Variants in ADCY8 observed in about 807,000 individuals in gnomAD.
ADCY8 encodes the protein adenylate cyclase type 8.
Under a neutral mutation model 119.7 loss-of-function variants are expected in ADCY8, and 51 were observed. The observed-to-expected ratio is 0.43, with a 90% CI of 0.34 to 0.54. ADCY8 has a LOEUF of 0.54. Ranked by LOEUF, ADCY8 falls within the 20% of genes least tolerant of loss-of-function variation. The pLI is 0.03. For synonymous variants in ADCY8, 665 were observed against 651.0 expected, an observed-to-expected ratio of 1.02 and a Z score of -0.33; for missense variants, 1,383 against 1,598.8, an observed-to-expected ratio of 0.87 and a Z score of 2.30.
intron 5 of ADCY8, among the ~76,000 whole-genome samples, chr8:130,915,243 A>G (rs1005347053): frequency 6.6e-6 from 1 of 152,256 alleles, no homozygotes; most frequent in Non-Finnish European, 1.5e-5. Flanking sequence ...CTATTAAGGA[A>G]GCATGTTATA....
chr8:131,036,862 G>C (rs1586674805), intron 1 of ADCY8, among the ~76,000 whole-genome samples: 1 of 152,288 alleles, frequency 6.6e-6, no homozygotes, highest in East Asian at 1.9e-4. Flanking sequence ...AATATGGTTG[G>C]AGAGAGAAGA....
chr8:130,964,697 T>C (rs1821709479), intron 2 of ADCY8, among the ~76,000 whole-genome samples: 1 of 152,220 alleles, frequency 6.6e-6, no homozygotes, highest in Non-Finnish European at 1.5e-5. Context: ...TAATGCACTT[T>C]GGCTATGGTC....
intron 2 of ADCY8, among the ~76,000 whole-genome samples, chr8:130,961,903 AG>A (rs1388097239): frequency 6.6e-6 from 1 of 152,138 alleles, no homozygotes; most frequent in Non-Finnish European, 1.5e-5. Context: ...TGAGCCCAGG[AG>A]TTCAAGGCTG....
At chr8:130,818,478 G>A (rs1586445112) in intron 13 of ADCY8, among the ~76,000 whole-genome samples, 2 of 152,338 alleles carry the variant, frequency 1.3e-5, no homozygotes, top group African/African-American at 4.8e-5. Flanking sequence ...CTGCCTCAGA[G>A]GAGGAAGTGT....
At chr8:130,860,381 A>G (rs1179663940) in intron 9 of ADCY8, among the ~76,000 whole-genome samples, 1 of 152,208 alleles carries the variant, frequency 6.6e-6, no homozygotes, top group African/African-American at 2.4e-5. Flanking sequence ...AGTGTCTTCC[A>G]CAGATCAGAC....
chr8:130,969,286 T>C lies in ADCY8; in HGVS notation c.1111-17288A>G, dbSNP rs566796177. Among the ~76,000 whole-genome samples, 3 of 152,300 alleles carry C rather than the reference T, an allele frequency of 2.0e-5. No homozygotes were observed. In the East Asian group the frequency reaches 5.8e-4, roughly 29 times the overall value. ...ATTCTGCAGCAGATGGCATTTTGAT[T>C]TGAACTGCAACATTGGCTCTTTCCT... On this transcript the variant is annotated intron_variant, in intron 2 of 17. Coordinates refer to ENST00000286355, the MANE Select transcript of ADCY8 (RefSeq NM_001115.3).
In ADCY8 at chr8:131,040,237, G is replaced by T; in HGVS notation, c.97C>A (p.Pro33Thr). ...PAGDGRSASR[P>T]QRLLWQTAVR... is the part of the protein sequence containing the mutation. ...GCCGTCTGCCACAGCAGCCGCTGCGGCCGGGAGGCGCTCCTGCCGTCGCCG... is the reference window on the plus strand; with the variant it reads ...GCCGTCTGCCACAGCAGCCGCTGCGTCCGGGAGGCGCTCCTGCCGTCGCCG... Residue 33 changes from proline (P) to threonine (T), a missense_variant, in exon 1 of 18, where the codon CCG becomes ACG. Around this residue, in one of 2 missense-constraint regions of ADCY8, gnomAD observed 455 missense variants for 435.3 expected, o/e 1.05. Coordinates refer to ENST00000286355, the MANE Select transcript of ADCY8 (RefSeq NM_001115.3). 6.5e-7 allele frequency: 1 copy of T among 1,544,990 alleles called. No individual in the cohort carries two copies. The highest frequency in any genetic ancestry group is 1.4e-5 in the African/African-American group (1 of 73,444).
chr8:130,957,786 AG>A (rs1236510401), intron 2 of ADCY8, among the ~76,000 whole-genome samples: 1 of 152,240 alleles, frequency 6.6e-6, no homozygotes, highest in Non-Finnish European at 1.5e-5. Flanking sequence ...AGAGGGTGCA[AG>A]CCCCAAGTCT....
At chr8:130,962,308 G>A (rs984051772) in intron 2 of ADCY8, among the ~76,000 whole-genome samples, 5 of 152,174 alleles carry the variant, frequency 3.3e-5, no homozygotes, top group Admixed American at 1.3e-4. Flanking sequence ...AGGAAAGTTT[G>A]CTCTTTAATA....
At chr8:130,954,063 A>T (rs752210211) in intron 2 of ADCY8, among the ~76,000 whole-genome samples, 14 of 152,310 alleles carry the variant, frequency 9.2e-5, no homozygotes, top group Middle Eastern at 3.4e-3. Flanking sequence ...ATGTTTAATT[A>T]AGATGCCACT....
chr8:130,957,479 G>T (rs540437519), intron 2 of ADCY8, among the ~76,000 whole-genome samples: 2 of 152,298 alleles, frequency 1.3e-5, no homozygotes, highest in South Asian at 4.1e-4. Flanking sequence ...TTGACGATGT[G>T]ATAGAAAAGA....
At chr8:130,807,814 C>G (rs1356761860) in intron 14 of ADCY8, among the ~76,000 whole-genome samples, 12 of 150,730 alleles carry the variant, frequency 8.0e-5, no homozygotes, top group Non-Finnish European at 1.5e-4. Flanking sequence ...GAAACCCTGT[C>G]TCTACTAAAA....
chr8:131,000,951 G>C (rs1408542364), intron 1 of ADCY8, among the ~76,000 whole-genome samples: 1 of 152,072 alleles, frequency 6.6e-6, no homozygotes, highest in East Asian at 1.9e-4. Context: ...GGCAGGGAAA[G>C]GGTCTTCAAA....
chr8:130,786,177 C>T (rs1214757240), intron 15 of ADCY8, among the ~76,000 whole-genome samples: 1 of 152,196 alleles, frequency 6.6e-6, no homozygotes, highest in Non-Finnish European at 1.5e-5. Flanking sequence ...TTGTCCTCTT[C>T]CTCTAGGGAA....
Position 130,943,242 on chromosome 8 carries a change from G to A in ADCY8, c.1353+109C>T, listed in dbSNP as rs994384462. 1.6e-5 allele frequency: 12 copies of A among 748,586 alleles called. No homozygotes were observed. In the African/African-American group the frequency reaches 1.9e-4, roughly 12 times the overall value. The allele number at this position is 748,586 out of a possible 1,614,324, so 46.4% of individuals were successfully genotyped here. A position where few individuals can be genotyped will look rare whatever the true frequency, so the allele number is the denominator to read the frequency against. ...CAGGGTCCATGCCTAGGGACAGGAT[G>A]CAGAATGGTAATGACATTGGGGAAG... is the stretch of plus-strand genomic sequence containing the variant. On this transcript the variant is annotated intron_variant, in intron 4 of 17. Transcript: ENST00000286355.
intron 8 of ADCY8, among the ~76,000 whole-genome samples, chr8:130,874,893 G>A (rs1030753284): frequency 6.6e-6 from 1 of 152,040 alleles, no homozygotes; most frequent in African/African-American, 2.4e-5. Context: ...GAAGCCAAGA[G>A]AGTGGTAACT....
chr8:130,825,812 A>T (rs1283511488), intron 12 of ADCY8, among the ~76,000 whole-genome samples: 2 of 152,080 alleles, frequency 1.3e-5, no homozygotes, highest in Admixed American at 1.3e-4. Flanking sequence ...ACCTTGATTG[A>T]TTTACTCTGG....
chr8:130,909,867 C>A lies in ADCY8; in HGVS notation c.1482-1G>T. ...GTGTTTTGTCCTTGACCGCACATACCTGTTGACATAGGTAAATGGAGAGAC... is the reference window on the plus strand; with the variant it reads ...GTGTTTTGTCCTTGACCGCACATACATGTTGACATAGGTAAATGGAGAGAC... On this transcript the variant is annotated splice_acceptor_variant, in intron 5 of 17. Coordinates refer to ENST00000286355, the MANE Select transcript of ADCY8 (RefSeq NM_001115.3). LOFTEE classifies it high-confidence loss of function. The A allele has an allele frequency of 6.2e-7, 1 of 1,613,980 alleles. No individual in the cohort carries two copies.
At chr8:131,038,800 C>T (rs1586676715) in intron 1 of ADCY8, among the ~76,000 whole-genome samples, 1 of 152,100 alleles carries the variant, frequency 6.6e-6, no homozygotes, top group African/African-American at 2.4e-5. Context: ...AAAAAATTCC[C>T]GAGAAAACCA....
Sources: allele counts gnomAD v4.1 joint callset (sites outside exome capture counted in the v4.1 genomes callset), GRCh38; gene constraint gnomAD v4.1.1; regional missense constraint gnomAD v4.1.1; transcripts MANE v1.5; gene names NCBI Gene and HGNC (gene_info 2026-07-23, HGNC 2026-07-21).